DYNC1H1: variants seen among roughly 807,000 people sequenced by gnomAD.
DYNC1H1 encodes the protein dynein cytoplasmic 1 heavy chain 1.
Under a neutral mutation model 527.1 loss-of-function variants are expected in DYNC1H1, and 51 were observed. The ratio of observed to expected loss-of-function variants is 0.10; its 90% CI spans 0.08 to 0.12. The LOEUF (loss-of-function observed/expected upper bound fraction) is 0.12. Among genes scored for constraint, DYNC1H1 ranks in the 10% least tolerant of loss-of-function variants. The pLI is 1.00. For synonymous variants in DYNC1H1, 2,189 were observed against 2,278.8 expected, an observed-to-expected ratio of 0.96 and a Z score of 1.12; for missense variants, 2,771 against 5,971.8, an observed-to-expected ratio of 0.46 and a Z score of 17.66.
intron 10 of DYNC1H1, among the ~76,000 whole-genome samples, chr14:101,991,178 A>T (rs539190190): frequency 1.3e-5 from 2 of 151,988 alleles, no homozygotes; most frequent in African/African-American, 4.8e-5. Context: ...ATCTCAAAAA[A>T]ACAAAAAGCA....
chr14:102,026,982 C>A, intron 44 of DYNC1H1, 192 bp from the exon 45 acceptor site: 1 of 811,192 alleles, frequency 1.2e-6, no homozygotes. Context: ...TCATGTCAGT[C>A]TAGAGGACAG....
In DYNC1H1 at chr14:102,051,965, G is replaced by A. The variant is rs2048817752; in HGVS notation, c.*1402G>A. The stretch of plus-strand genomic sequence containing the variant: ...CCTCAGCCTCCCAAAGTGCTGAGAT[G>A]ACAGGCATGAGCCACTGCACCTGGC... On this transcript the variant is annotated 3_prime_UTR_variant, in exon 78 of 78. Coordinates refer to ENST00000360184, the MANE Select transcript of DYNC1H1 (RefSeq NM_001376.5). The A allele has an allele frequency of 6.6e-6, 1 of 152,020 alleles. No homozygotes were observed. The highest frequency in any genetic ancestry group is 6.6e-5 in the Admixed American group (1 of 15,256). 9.4% of individuals were successfully genotyped at this position (152,020 alleles called of 1,614,324 possible).
At chr14:101,992,658 C>T (rs986411397) in intron 11 of DYNC1H1, among the ~76,000 whole-genome samples, 1 of 152,152 alleles carries the variant, frequency 6.6e-6, no homozygotes, top group East Asian at 1.9e-4. Context: ...TAAGGAAGCT[C>T]CCTTCTCAGG....
At chr14:102,022,625 G>A in intron 42 of DYNC1H1, 126 bp from the exon 43 acceptor site, 1 of 1,336,446 alleles carries the variant, frequency 7.5e-7, no homozygotes, top group African/African-American at 1.4e-5. Context: ...CATAGTAAAG[G>A]AAGATGTGTG....
In DYNC1H1 at chr14:102,044,305, C is replaced by T. The variant is rs2048688297; in HGVS notation, c.12716C>T (p.Pro4239Leu). 1.2e-6 allele frequency: 2 copies of T among 1,614,046 alleles called. No homozygotes were observed. Among genetic ancestry groups the T allele is most frequent in the Non-Finnish European group, 1.7e-6 (2 of 1,180,054 alleles). The change falls in exon 71 of 78, where the codon CCG (proline) becomes CTG (leucine). Residue 4239 changes from proline (P) to leucine (L), a missense_variant. Physicochemically the swap from Pro to Leu is moderately conservative, Grantham distance 98. Transcript: ENST00000360184. The surrounding 1 kb of genome is among the most constrained non-coding windows in gnomAD (Gnocchi z 7.1). ...CAGAACATCTCACCGGATAAGATCCCGTGGTCTGCACTAAAGACCTTAATG... is the reference window on the plus strand; with the variant it reads ...CAGAACATCTCACCGGATAAGATCCTGTGGTCTGCACTAAAGACCTTAATG... Reference protein sequence around the residue: ...GRQNISPDKIPWSALKTLMAQ... With the variant: ...GRQNISPDKILWSALKTLMAQ...
At position 102,056,285 on chromosome 14, in the gene DYNC1H1, C is replaced by T. The variant is rs1256547473; in HGVS notation, c.*5722C>T. The T allele has an allele frequency of 6.6e-6, 1 of 152,250 alleles. No individual in the cohort carries two copies. The highest frequency in any genetic ancestry group is 2.4e-5 in the African/African-American group (1 of 41,458). 9.4% of individuals were successfully genotyped at this position (152,250 alleles called of 1,614,324 possible). A position where few individuals can be genotyped will look rare whatever the true frequency, so the allele number is the denominator to read the frequency against. On this transcript the variant is annotated 3_prime_UTR_variant, in exon 78 of 78. Transcript: ENST00000360184. The stretch of plus-strand genomic sequence containing the variant: ...CTACCAGTGCATGAAACCCCTGTCA[C>T]GTATCCCCCAGACTGCTCAATCAAT...
In DYNC1H1 at chr14:102,010,711, C is replaced by T. The variant is rs1198599209; in HGVS notation, c.6406-29C>T. The T allele has an allele frequency of 1.2e-6, 2 of 1,611,424 alleles. No homozygotes were observed. Among genetic ancestry groups the T allele is most frequent in the Non-Finnish European group, 1.7e-6 (2 of 1,179,326 alleles). ...CGGGCAGTACTTGAGCCATGCTGCG[C>T]TGCTCACAGCCCAGCCCTCTCCCCG... On this transcript the variant is annotated intron_variant, in intron 31 of 77. Coordinates refer to ENST00000360184, the MANE Select transcript of DYNC1H1 (RefSeq NM_001376.5). The surrounding 1 kb of genome is among the most constrained non-coding windows in gnomAD (Gnocchi z 6.0).
chr14:101,966,477 T>C (rs1025805555), intron 1 of DYNC1H1, among the ~76,000 whole-genome samples: 3 of 152,096 alleles, frequency 2.0e-5, no homozygotes, highest in Non-Finnish European at 4.4e-5. Flanking sequence ...GAAAATGTAC[T>C]ATACAGCTAA....
At chr14:101,974,918 G>A (rs892007745) in intron 1 of DYNC1H1, among the ~76,000 whole-genome samples, 45 of 152,158 alleles carry the variant, frequency 3.0e-4, no homozygotes, top group Admixed American at 1.8e-3. Flanking sequence ...GCTCACAGCC[G>A]GGGAGGAAGA....
At chr14:102,040,549 C>A in intron 63 of DYNC1H1, 49 bp from the exon 64 acceptor site, 1 of 1,613,300 alleles carries the variant, frequency 6.2e-7, no homozygotes, top group Non-Finnish European at 8.5e-7. Flanking sequence ...TGGGTTCTGC[C>A]CCAGAGGCCA....
Position 101,997,369 on chromosome 14 carries a change from G to C in DYNC1H1, c.3804+95G>C, listed in dbSNP as rs1041237241. On this transcript the variant is annotated intron_variant, in intron 16 of 77. Coordinates refer to ENST00000360184, the MANE Select transcript of DYNC1H1 (RefSeq NM_001376.5). The surrounding 1 kb of genome is among the most constrained non-coding windows in gnomAD (Gnocchi z 4.8). ...GCCTAAAAGGCCTTGCTGTGACTGAGCTTTCTAGTATTGAAGACTCTTTTC... is the reference window on the plus strand; with the variant it reads ...GCCTAAAAGGCCTTGCTGTGACTGACCTTTCTAGTATTGAAGACTCTTTTC... 4 of 1,590,992 alleles carry C rather than the reference G, an allele frequency of 2.5e-6. No individual in the cohort carries two copies. In the African/African-American group the frequency reaches 4.0e-5, roughly 16 times the overall value.
chr14:102,053,715 T>G lies in DYNC1H1; in HGVS notation c.*3152T>G, dbSNP rs564172832. On this transcript the variant is annotated 3_prime_UTR_variant, in exon 78 of 78. Transcript: ENST00000360184. Reference sequence around the variant, plus strand: ...CACCCGCCTCCCAAAGTGCTGAGATTACAGGCGTGAGCCACCACACTCGGC... The same window carrying G: ...CACCCGCCTCCCAAAGTGCTGAGATGACAGGCGTGAGCCACCACACTCGGC... 8 of 151,730 alleles carry G rather than the reference T, an allele frequency of 5.3e-5. No individual in the cohort carries two copies. The highest frequency in any genetic ancestry group is 1.9e-4 in the African/African-American group (8 of 41,222). 9.4% of individuals were successfully genotyped at this position (151,730 alleles called of 1,614,324 possible). A position where few individuals can be genotyped will look rare whatever the true frequency, so the allele number is the denominator to read the frequency against.
At position 102,020,930 on chromosome 14, in the gene DYNC1H1, G is replaced by A. The variant is rs2152585217; in HGVS notation, c.8507+874G>A. Among the ~76,000 whole-genome samples the A allele has an allele frequency of 6.6e-6, 1 of 152,292 alleles. No homozygotes were observed. Among genetic ancestry groups the A allele is most frequent in the African/African-American group, 2.4e-5 (1 of 41,560 alleles). Reference sequence around the variant, plus strand: ...CTTGGGCAACACCGGGTACATTACTGACAGCCACTGTAAGAGATGAGCAGG... The same window carrying A: ...CTTGGGCAACACCGGGTACATTACTAACAGCCACTGTAAGAGATGAGCAGG... On this transcript the variant is annotated intron_variant, in intron 42 of 77. Transcript: ENST00000360184. The surrounding 1 kb of genome is among the most constrained non-coding windows in gnomAD (Gnocchi z 4.3).
rs575315647 is a variant in DYNC1H1 at position 102,005,436 on chromosome 14, C to T, written c.5433+200C>T. On this transcript the variant is annotated intron_variant, in intron 26 of 77. Transcript: ENST00000360184. This position sits in a 1 kb window ranked among gnomAD's most constrained non-coding sequence, Gnocchi z 4.0. Reference sequence around the variant, plus strand: ...ATCTCAGGGGCATGCAGGGGTTACGCGACATCACGGTAGAGAGGAAGGGAT... The same window carrying T: ...ATCTCAGGGGCATGCAGGGGTTACGTGACATCACGGTAGAGAGGAAGGGAT... Among the ~76,000 whole-genome samples the T allele has an allele frequency of 3.1e-4, 47 of 152,300 alleles. No individual in the cohort carries two copies. The highest frequency in any genetic ancestry group is 6.0e-4 in the African/African-American group (25 of 41,572).
In DYNC1H1 at chr14:102,052,028, A is replaced by G. The variant is rs2048818531; in HGVS notation, c.*1465A>G. 6.6e-6 allele frequency: 1 copy of G among 151,772 alleles called. No individual in the cohort carries two copies. 9.4% of individuals were successfully genotyped at this position (151,772 alleles called of 1,614,324 possible). A position where few individuals can be genotyped will look rare whatever the true frequency, so the allele number is the denominator to read the frequency against. On this transcript the variant is annotated 3_prime_UTR_variant, in exon 78 of 78. Coordinates refer to ENST00000360184, the MANE Select transcript of DYNC1H1 (RefSeq NM_001376.5). The stretch of plus-strand genomic sequence containing the variant: ...TTTTTTGTAGAGATGGAATCTCGCT[A>G]TTTTCCCTGGGCTGGTCTCAAACTC...
rs558802513 is a variant in DYNC1H1, at chr14:102,033,807, A to G, written c.10414-169A>G. The G allele has an allele frequency of 1.4e-4, 104 of 747,510 alleles. No individual in the cohort carries two copies. Among genetic ancestry groups the G allele is most frequent in the Admixed American group, 2.0e-4 (9 of 45,536 alleles). 46.3% of individuals were successfully genotyped at this position (747,510 alleles called of 1,614,324 possible). On this transcript the variant is annotated intron_variant, in intron 54 of 77. Coordinates refer to ENST00000360184, the MANE Select transcript of DYNC1H1 (RefSeq NM_001376.5). The surrounding 1 kb of genome is among the most constrained non-coding windows in gnomAD (Gnocchi z 5.6). ...CTGAGATTCTGAGTCGTGTGTGGTC[A>G]TTAGTTATATATGATCTGGGTCTCA...
chr14:101,994,524 G>A (rs1299869503), intron 12 of DYNC1H1, 149 bp from the exon 13 acceptor site: 2 of 1,318,112 alleles, frequency 1.5e-6, no homozygotes, highest in Non-Finnish European at 2.1e-6. Context: ...AATCTTTTTT[G>A]ATATGAAAAT....
intron 72 of DYNC1H1, chr14:102,047,589 ATATATATATACACATATATG>A (rs1241683267): frequency 1.8e-5 from 6 of 325,516 alleles, no homozygotes; most frequent in South Asian, 7.3e-5. Context: ...ACACATACGT[ATATATATATACACATATATG>A]TATATATACA....
Position 102,016,061 on chromosome 14 carries a change from T to C in DYNC1H1, c.7448T>C (p.Ile2483Thr), listed in dbSNP as rs570035312. The change falls in exon 36 of 78, where the codon ATC becomes ACC. Residue 2483 changes from isoleucine to threonine, a missense_variant. Ile to Thr is a moderately conservative substitution (Grantham distance 89). Transcript: ENST00000360184. This position sits in a 1 kb window ranked among gnomAD's most constrained non-coding sequence, Gnocchi z 7.3. ...AACCATCCCGACTTCCCCATGCAGA[T>C]CGAGCAGCTGGAGCGCTACATTCAG... Reference protein sequence around the residue: ...NANHPDFPMQIEQLERYIQRY... With the variant: ...NANHPDFPMQTEQLERYIQRY... The C allele has an allele frequency of 1.9e-6, 3 of 1,612,272 alleles. 1 individual carries two copies. In the South Asian group the frequency reaches 3.3e-5, roughly 18 times the overall value.
Sources: gnomAD v4.1 joint callset for allele counts (sites outside exome capture counted in the v4.1 genomes callset) on GRCh38, gnomAD v4.1.1 for gene constraint, Gnocchi (gnomAD v3.1) non-coding constraint, MANE v1.5 for transcripts, NCBI Gene and HGNC (gene_info 2026-07-23, HGNC 2026-07-21) for gene names.